The following DIAPH3 variants were observed in gnomAD, a reference collection of about 807,000 sequenced individuals.
The protein encoded by DIAPH3 is protein diaphanous homolog 3.
Under a neutral mutation model 144.3 loss-of-function variants are expected in DIAPH3, and 117 were observed. The ratio of observed to expected loss-of-function variants is 0.81; its 90% CI spans 0.70 to 0.95. DIAPH3 has a LOEUF of 0.95. Among genes scored for constraint, DIAPH3 ranks in the 40% least tolerant of loss-of-function variants. DIAPH3 has a pLI of 0.00. For missense variants in DIAPH3, 1,421 were observed against 1,412.7 expected (o/e 1.01, Z -0.09); for synonymous variants, 519 against 488.9 (o/e 1.06, Z -0.81).
chr13:59,904,966 TAAAATA>T (rs948427599), intron 20 of DIAPH3, among the ~76,000 whole-genome samples: 1 of 151,692 alleles, frequency 6.6e-6, no homozygotes, highest in Non-Finnish European at 1.5e-5. Context: ...ATGAAATAAG[TAAAATA>T]AAAGTCACCA....
At chr13:59,676,176 A>G (rs1263525055) in intron 27 of DIAPH3, among the ~76,000 whole-genome samples, 1 of 152,232 alleles carries the variant, frequency 6.6e-6, no homozygotes, top group Admixed American at 6.5e-5. Context: ...ACTTGGTGGA[A>G]CCACCTAGCC....
intron 9 of DIAPH3, among the ~76,000 whole-genome samples, chr13:59,998,805 A>C (rs569781287): frequency 2.6e-5 from 4 of 152,274 alleles, no homozygotes; most frequent in South Asian, 4.1e-4. Flanking sequence ...CAATAAAAGT[A>C]GTAGTCAGAA....
chr13:59,861,613 C>T (rs2043594810), intron 21 of DIAPH3, 77 bp from the exon 22 acceptor site: 1 of 1,459,872 alleles, frequency 6.8e-7, no homozygotes. Context: ...AATATTAATA[C>T]TGTATTTTGT....
chr13:59,938,064 A>T (rs909935417), intron 17 of DIAPH3, among the ~76,000 whole-genome samples: 1 of 152,090 alleles, frequency 6.6e-6, no homozygotes, highest in Non-Finnish European at 1.5e-5. Flanking sequence ...CAGTTATTAA[A>T]TCTTTATTTC....
At chr13:60,083,804 TGAGGTTG>T (rs2057646437) in intron 4 of DIAPH3, among the ~76,000 whole-genome samples, 1 of 151,880 alleles carries the variant, frequency 6.6e-6, no homozygotes, top group African/African-American at 2.4e-5. Context: ...TCTGGAAAGC[TGAGGTTG>T]GAGGATCACT....
chr13:59,969,807 C>T, intron 17 of DIAPH3, 137 bp downstream of exon 17: 1 of 473,792 alleles, frequency 2.1e-6, no homozygotes, highest in Non-Finnish European at 3.7e-6. Context: ...TTCATTATAC[C>T]ATTTATTTGC....
chr13:60,053,942 T>A (rs1434532677), intron 4 of DIAPH3, among the ~76,000 whole-genome samples: 1 of 152,116 alleles, frequency 6.6e-6, no homozygotes, highest in Non-Finnish European at 1.5e-5. Context: ...ACCTTCTTTA[T>A]CTGCCTAATG....
intron 5 of DIAPH3, among the ~76,000 whole-genome samples, chr13:60,037,838 A>C (rs1297601014): frequency 6.6e-6 from 1 of 152,112 alleles, no homozygotes; most frequent in Non-Finnish European, 1.5e-5. Context: ...AATTATTCAT[A>C]TGCTATTTAT....
At chr13:59,690,726 C>T (rs1020024474) in intron 27 of DIAPH3, among the ~76,000 whole-genome samples, 4 of 152,088 alleles carry the variant, frequency 2.6e-5, no homozygotes, top group African/African-American at 9.7e-5. Context: ...GATTGTTGGT[C>T]AGACATTTCA....
intron 25 of DIAPH3, among the ~76,000 whole-genome samples, chr13:59,781,361 A>C (rs1389166204): frequency 1.3e-5 from 2 of 152,216 alleles, no homozygotes; most frequent in Non-Finnish European, 2.9e-5. Flanking sequence ...TCAAACATGC[A>C]AGTGTCTATA....
chr13:59,922,180 C>A (rs1202036474), intron 18 of DIAPH3, among the ~76,000 whole-genome samples: 1 of 151,888 alleles, frequency 6.6e-6, no homozygotes, highest in African/African-American at 2.4e-5. Context: ...CACTTCTATT[C>A]AACATATTAC....
At chr13:59,886,221 A>C (rs1013325214) in intron 20 of DIAPH3, among the ~76,000 whole-genome samples, 3 of 152,054 alleles carry the variant, frequency 2.0e-5, no homozygotes, top group Admixed American at 1.3e-4. Context: ...GGTGTGATGC[A>C]GGAGTTGAGA....
intron 25 of DIAPH3, among the ~76,000 whole-genome samples, chr13:59,785,226 C>G (rs1428047145): frequency 6.6e-6 from 1 of 152,020 alleles, no homozygotes; most frequent in Non-Finnish European, 1.5e-5. Flanking sequence ...GGAAAAAACT[C>G]CAATAGGTTA....
intron 2 of DIAPH3, among the ~76,000 whole-genome samples, chr13:60,116,688 T>A (rs2058713523): frequency 6.6e-6 from 1 of 151,978 alleles, no homozygotes; most frequent in Admixed American, 6.6e-5. Flanking sequence ...ATTATAAATG[T>A]AAACATGTCA....
intron 4 of DIAPH3, among the ~76,000 whole-genome samples, chr13:60,051,354 T>C (rs1347180796): frequency 6.6e-6 from 1 of 152,148 alleles, no homozygotes; most frequent in African/African-American, 2.4e-5. Flanking sequence ...ACAAGGTGGC[T>C]CACGCCTGTA....
At chr13:59,806,431 TAC>T (rs1442495888) in intron 25 of DIAPH3, among the ~76,000 whole-genome samples, 1 of 152,014 alleles carries the variant, frequency 6.6e-6, no homozygotes, top group African/African-American at 2.4e-5. Flanking sequence ...AAAAACCACA[TAC>T]ACTAATTATA....
intron 3 of DIAPH3, among the ~76,000 whole-genome samples, chr13:60,103,374 C>A (rs2058326625): frequency 6.6e-6 from 1 of 151,956 alleles, no homozygotes; most frequent in African/African-American, 2.4e-5. Flanking sequence ...CAGTTAACAC[C>A]ACAGAGAGTC....
At chr13:59,808,072 A>C (rs2040285337) in intron 25 of DIAPH3, among the ~76,000 whole-genome samples, 1 of 151,704 alleles carries the variant, frequency 6.6e-6, no homozygotes, top group South Asian at 2.1e-4. Flanking sequence ...AATCAAAACT[A>C]GAAAAGAAAT....
intron 17 of DIAPH3, among the ~76,000 whole-genome samples, chr13:59,951,319 C>T (rs748240927): frequency 1.9e-4 from 29 of 152,104 alleles, no homozygotes; most frequent in Non-Finnish European, 2.8e-4. Flanking sequence ...ATGTGAAGGA[C>T]GTGTTTGCTT....
Sources: allele counts gnomAD v4.1 joint callset (sites outside exome capture counted in the v4.1 genomes callset), GRCh38; gene constraint gnomAD v4.1.1; transcripts MANE v1.5; gene names NCBI Gene and HGNC (gene_info 2026-07-23, HGNC 2026-07-21).